Variants in LEKR1 observed in about 807,000 individuals in gnomAD.
LEKR1 encodes leucine, glutamate and lysine rich 1, also known as protein LEKR1.
Under a neutral mutation model 72.4 loss-of-function variants are expected in LEKR1, and 59 were observed. The ratio of observed to expected loss-of-function variants is 0.82; its 90% confidence interval spans 0.66 to 1.01. The LOEUF is 1.01. Ranked by LOEUF, LEKR1 falls within the 50% of genes least tolerant of loss-of-function variation. LEKR1 has a pLI of 0.00. For synonymous variants in LEKR1, 257 were observed against 263.2 expected, an observed-to-expected ratio of 0.98 and a Z score of 0.23; for missense variants, 728 against 759.2, an observed-to-expected ratio of 0.96 and a Z score of 0.48.
At chr3:157,024,671 C>A in intron 10 of LEKR1, 89 bp from the exon 11 acceptor site, 2 of 958,180 alleles carry the variant, frequency 2.1e-6, no homozygotes, top group Non-Finnish European at 3.1e-6. Flanking sequence ...AATGTCAGAA[C>A]ATTTTAAAAC....
intron 6 of LEKR1, among the ~76,000 whole-genome samples, chr3:156,948,108 G>A (rs1424977885): frequency 2.7e-5 from 4 of 150,914 alleles, no homozygotes; most frequent in Non-Finnish European, 4.5e-5. Flanking sequence ...TAAAAATTTT[G>A]GTAATATTGT....
At chr3:157,002,539 G>C (rs922740593) in intron 9 of LEKR1, among the ~76,000 whole-genome samples, 1 of 152,054 alleles carries the variant, frequency 6.6e-6, no homozygotes, top group African/African-American at 2.4e-5. Flanking sequence ...AGAACAATGA[G>C]TGCATATAAC....
chr3:156,845,208 G>A (rs887398753), intron 2 of LEKR1, among the ~76,000 whole-genome samples: 2 of 151,180 alleles, frequency 1.3e-5, no homozygotes, highest in African/African-American at 4.9e-5. Context: ...TTTTTCTGCT[G>A]AATTTTGGAA....
chr3:156,999,288 A>G (rs1157154131), intron 9 of LEKR1, among the ~76,000 whole-genome samples: 6 of 152,154 alleles, frequency 3.9e-5, no homozygotes, highest in Non-Finnish European at 7.4e-5. Flanking sequence ...AACCCAGCAC[A>G]TTATTTCAAG....
chr3:156,900,013 A>G (rs1365057170), intron 3 of LEKR1, among the ~76,000 whole-genome samples: 1 of 152,164 alleles, frequency 6.6e-6, no homozygotes, highest in Non-Finnish European at 1.5e-5. Flanking sequence ...ATTACAAAAC[A>G]TCTGAAATCC....
intron 6 of LEKR1, among the ~76,000 whole-genome samples, chr3:156,968,466 A>G (rs912172976): frequency 3.3e-5 from 5 of 152,298 alleles, no homozygotes; most frequent in African/African-American, 9.6e-5. Context: ...AGAAGGCAGG[A>G]GTTGCAATCC....
chr3:156,986,753 G>A (rs1457267759), intron 7 of LEKR1, among the ~76,000 whole-genome samples: 1 of 152,048 alleles, frequency 6.6e-6, no homozygotes, highest in South Asian at 2.1e-4. Context: ...TGGGAATAAG[G>A]GCTTCTTTGA....
At chr3:156,980,730 A>G (rs1730120654) in intron 7 of LEKR1, among the ~76,000 whole-genome samples, 1 of 152,216 alleles carries the variant, frequency 6.6e-6, no homozygotes, top group Non-Finnish European at 1.5e-5. Flanking sequence ...AGGTGGTGTT[A>G]GCACACAACT....
chr3:156,968,151 G>C (rs997110217), intron 6 of LEKR1, among the ~76,000 whole-genome samples: 3 of 152,164 alleles, frequency 2.0e-5, no homozygotes, highest in Admixed American at 6.5e-5. Context: ...GGAACAACCA[G>C]TACCAGCCGC....
chr3:156,942,621 G>C lies in LEKR1; in HGVS notation c.652G>C (p.Ala218Pro). The change falls in exon 6 of 13, where the codon GCA (alanine) becomes CCA (proline). Residue 218 changes from alanine to proline, a missense_variant. Coordinates refer to ENST00000356539, the MANE Select transcript of LEKR1 (RefSeq NM_001004316.3). ...GAAAAATCTGAAATTGTTGTCAGAT[G>C]CAGCCATATTGAGATCTCAGCAGAT... ...EMKNLKLLSD[A>P]AILRSQQIRT... The C allele has an allele frequency of 7.9e-7, 1 of 1,266,794 alleles. No homozygotes were observed. The highest frequency in any genetic ancestry group is 1.0e-6 in the Non-Finnish European group (1 of 975,696). The allele number at this position is 1,266,794 out of a possible 1,614,324, so 78.5% of individuals were successfully genotyped here.
chr3:156,959,308 T>C (rs1576899985), intron 6 of LEKR1, among the ~76,000 whole-genome samples: 6 of 152,330 alleles, frequency 3.9e-5, no homozygotes, highest in Admixed American at 3.9e-4. Context: ...ATATTAGAAA[T>C]CACTTAAATT....
At chr3:156,966,823 C>T (rs981274402) in intron 6 of LEKR1, among the ~76,000 whole-genome samples, 1 of 152,202 alleles carries the variant, frequency 6.6e-6, no homozygotes, top group African/African-American at 2.4e-5. Flanking sequence ...AATGGACAGA[C>T]TGCCTCCTCA....
intron 3 of LEKR1, among the ~76,000 whole-genome samples, chr3:156,881,221 C>A (rs1257265880): frequency 3.9e-5 from 6 of 152,086 alleles, no homozygotes; most frequent in Admixed American, 3.3e-4. Context: ...TCCCTGTTTG[C>A]AGATGACATG....
chr3:157,045,782 C>G lies in LEKR1; in HGVS notation c.*32C>G, dbSNP rs369407196. On this transcript the variant is annotated 3_prime_UTR_variant, in exon 13 of 13. Coordinates refer to ENST00000356539, the MANE Select transcript of LEKR1 (RefSeq NM_001004316.3). ...ATGAGGAGCAGGAAGCTCCCTACAG[C>G]GTGCACGCTCTTTCAGAGAGTGCCA... 2.0e-5 allele frequency: 32 copies of G among 1,570,478 alleles called. No individual in the cohort carries two copies. Among genetic ancestry groups the G allele is most frequent in the Middle Eastern group, 1.7e-4 (1 of 5,980 alleles).
intron 3 of LEKR1, among the ~76,000 whole-genome samples, chr3:156,870,173 G>T (rs1717761754): frequency 6.6e-6 from 1 of 152,016 alleles, no homozygotes; most frequent in Non-Finnish European, 1.5e-5. Flanking sequence ...GCTCAGGATT[G>T]CTTTGGCTTT....
chr3:156,866,407 G>A (rs1717307647), intron 3 of LEKR1, among the ~76,000 whole-genome samples: 1 of 151,904 alleles, frequency 6.6e-6, no homozygotes, highest in African/African-American at 2.4e-5. Context: ...CAGGCTGGAG[G>A]CAGATTGGTC....
At chr3:156,879,853 TG>T (rs1329247235) in intron 3 of LEKR1, among the ~76,000 whole-genome samples, 1 of 152,172 alleles carries the variant, frequency 6.6e-6, no homozygotes, top group Non-Finnish European at 1.5e-5. Context: ...AGCTTCCACA[TG>T]GTGTTGAGTC....
intron 2 of LEKR1, among the ~76,000 whole-genome samples, chr3:156,845,313 T>C (rs1714453798): frequency 6.6e-6 from 1 of 152,038 alleles, no homozygotes. Context: ...TGCAAGGTCT[T>C]TTACAGATCA....
intron 2 of LEKR1, among the ~76,000 whole-genome samples, chr3:156,850,591 TGTTA>T: frequency 6.6e-6 from 1 of 152,364 alleles, no homozygotes; most frequent in South Asian, 2.1e-4. Flanking sequence ...ATTTTAGTTA[TGTTA>T]GTTACTTTGT....
Sources: gnomAD v4.1 joint callset for allele counts (sites outside exome capture counted in the v4.1 genomes callset) on GRCh38, gnomAD v4.1.1 for gene constraint, MANE v1.5 for transcripts, NCBI Gene and HGNC (gene_info 2026-07-23, HGNC 2026-07-21) for gene names.